Variants in SDCCAG8 observed in about 807,000 individuals in gnomAD.
SDCCAG8 encodes serologically defined colon cancer antigen 8.
A neutral mutation model predicts 101.8 loss-of-function variants in SDCCAG8; 74 were observed. The ratio of observed to expected loss-of-function variants is 0.73; its 90% CI spans 0.60 to 0.88. The LOEUF (loss-of-function observed/expected upper bound fraction) is 0.88, where lower values mean the gene tolerates loss of function less well. SDCCAG8 is among the 40% of genes least tolerant of loss of function. The pLI is 0.00. For synonymous variants in SDCCAG8, 281 were observed against 292.9 expected, an observed-to-expected ratio of 0.96 and a Z score of 0.41; for missense variants, 787 against 822.6, an observed-to-expected ratio of 0.96 and a Z score of 0.53.
chr1:243,281,857 G>C (rs1198885933), intron 4 of SDCCAG8, among the ~76,000 whole-genome samples: 1 of 152,060 alleles, frequency 6.6e-6, no homozygotes, highest in African/African-American at 2.4e-5. Flanking sequence ...TGTTGCCCAG[G>C]CTGGTGGCGA....
At chr1:243,256,322 C>T (rs2066672809) in intron 1 of SDCCAG8, 82 bp downstream of exon 1, 1 of 1,124,326 alleles carries the variant, frequency 8.9e-7, no homozygotes, top group Non-Finnish European at 1.4e-6. Flanking sequence ...CGTTTCCTAA[C>T]ACCTGGGTTC....
intron 4 of SDCCAG8, among the ~76,000 whole-genome samples, chr1:243,283,100 G>A (rs956903711): frequency 3.3e-5 from 5 of 151,968 alleles, no homozygotes; most frequent in Non-Finnish European, 4.4e-5. Flanking sequence ...CGCCTGCCTC[G>A]GCCTTCCAAA....
intron 8 of SDCCAG8, among the ~76,000 whole-genome samples, chr1:243,308,748 T>C (rs759732961): frequency 6.6e-6 from 1 of 152,256 alleles, no homozygotes; most frequent in Non-Finnish European, 1.5e-5. Context: ...GAAACAATTC[T>C]CTTCGTACAT....
chr1:243,299,656 C>T (rs1043373832), intron 6 of SDCCAG8, among the ~76,000 whole-genome samples: 13 of 152,134 alleles, frequency 8.5e-5, no homozygotes, highest in Admixed American at 7.2e-4. Context: ...TCAGGTGATC[C>T]GCCTGCCTCG....
intron 16 of SDCCAG8, among the ~76,000 whole-genome samples, chr1:243,483,167 G>A (rs1489790623): frequency 6.6e-6 from 1 of 152,174 alleles, no homozygotes; most frequent in African/African-American, 2.4e-5. Context: ...GAAGGTCGCA[G>A]GTGGAGGGCA....
intron 16 of SDCCAG8, among the ~76,000 whole-genome samples, chr1:243,437,481 T>C (rs186836906): frequency 6.6e-6 from 1 of 152,238 alleles, no homozygotes; most frequent in Non-Finnish European, 1.5e-5. Context: ...GGCACAATTC[T>C]TTTGAGAAAT....
intron 9 of SDCCAG8, among the ~76,000 whole-genome samples, chr1:243,320,549 G>A (rs1459566832): frequency 1.3e-5 from 2 of 152,098 alleles, no homozygotes; most frequent in Non-Finnish European, 2.9e-5. Flanking sequence ...GGAGGGCTTA[G>A]GGGGTGAACA....
intron 10 of SDCCAG8, among the ~76,000 whole-genome samples, chr1:243,336,222 C>T (rs980811650): frequency 6.6e-6 from 1 of 152,192 alleles, no homozygotes; most frequent in African/African-American, 2.4e-5. Flanking sequence ...CTGCTTTCCA[C>T]TGTGGCTGAA....
intron 5 of SDCCAG8, 134 bp downstream of exon 5, chr1:243,286,531 C>A (rs2069634696): frequency 1.1e-6 from 1 of 877,346 alleles, no homozygotes; most frequent in Non-Finnish European, 1.8e-6. Flanking sequence ...TTGTTTGAGA[C>A]CTCAAATATC....
At chr1:243,385,398 A>T (rs1293583224) in intron 13 of SDCCAG8, among the ~76,000 whole-genome samples, 1 of 152,172 alleles carries the variant, frequency 6.6e-6, no homozygotes, top group African/African-American at 2.4e-5. Context: ...TCTAAAATTA[A>T]AGAAAAAAGT....
intron 3 of SDCCAG8, among the ~76,000 whole-genome samples, chr1:243,271,518 CAAAAT>C (rs970964029): frequency 2.0e-5 from 3 of 151,536 alleles, no homozygotes; most frequent in African/African-American, 7.3e-5. Flanking sequence ...TTTTGAGTGT[CAAAAT>C]AATACATTTT....
chr1:243,298,641 A>G (rs938385100), intron 6 of SDCCAG8, among the ~76,000 whole-genome samples: 2 of 151,990 alleles, frequency 1.3e-5, no homozygotes, highest in African/African-American at 4.8e-5. Flanking sequence ...TTGCATTTAG[A>G]TCTACAACCT....
chr1:243,477,549 T>C (rs1662681577), intron 16 of SDCCAG8, among the ~76,000 whole-genome samples: 2 of 152,382 alleles, frequency 1.3e-5, no homozygotes, highest in Middle Eastern at 6.8e-3. Flanking sequence ...ACTTGTATTT[T>C]AAGAAGGTTA....
intron 10 of SDCCAG8, among the ~76,000 whole-genome samples, chr1:243,332,684 C>T (rs5027879): frequency 0.23 from 34,722 of 151,140 alleles, 4,128 homozygotes; most frequent in Admixed American, 0.3. Context: ...TTATCGCAGT[C>T]CAGGTCTGGA....
intron 16 of SDCCAG8, among the ~76,000 whole-genome samples, chr1:243,456,198 T>A (rs961944645): frequency 2.6e-5 from 4 of 152,138 alleles, no homozygotes; most frequent in Non-Finnish European, 4.4e-5. Context: ...CTGTTTTGGT[T>A]TACTGAACAG....
At chr1:243,324,426 C>T (rs934509047) in intron 9 of SDCCAG8, among the ~76,000 whole-genome samples, 4 of 150,442 alleles carry the variant, frequency 2.7e-5, no homozygotes, top group African/African-American at 9.8e-5. Flanking sequence ...TCTTATACCA[C>T]TGCCCTGGTT....
At chr1:243,409,609 T>A (rs988107627) in intron 13 of SDCCAG8, among the ~76,000 whole-genome samples, 1 of 152,130 alleles carries the variant, frequency 6.6e-6, no homozygotes, top group Non-Finnish European at 1.5e-5. Flanking sequence ...AAGATGAGCC[T>A]GCAACATTTT....
chr1:243,320,243 T>C (rs2073638881), intron 9 of SDCCAG8, among the ~76,000 whole-genome samples: 1 of 152,200 alleles, frequency 6.6e-6, no homozygotes, highest in Non-Finnish European at 1.5e-5. Context: ...AACACTTTTC[T>C]TATGGAAGCT....
At chr1:243,377,277 T>C (rs1368691462) in intron 12 of SDCCAG8, among the ~76,000 whole-genome samples, 1 of 152,096 alleles carries the variant, frequency 6.6e-6, no homozygotes, top group Non-Finnish European at 1.5e-5. Flanking sequence ...TCTGTATTTC[T>C]TTGCTTTTGT....
Sources: allele counts gnomAD v4.1 joint callset (sites outside exome capture counted in the v4.1 genomes callset), GRCh38; gene constraint gnomAD v4.1.1; transcripts MANE v1.5; gene names NCBI Gene and HGNC (gene_info 2026-07-23, HGNC 2026-07-21).